Variants in ADAMTSL1 observed in about 807,000 individuals in gnomAD.
The protein encoded by ADAMTSL1 is ADAMTS-like protein 1.
ADAMTSL1 carries 126 observed loss-of-function variants against 201.8 expected under a neutral mutation model. The ratio of observed to expected loss-of-function variants is 0.62; its 90% CI spans 0.54 to 0.72. ADAMTSL1 has a LOEUF of 0.72. Among genes scored for constraint, ADAMTSL1 ranks in the 30% least tolerant of loss-of-function variants. ADAMTSL1 has a pLI of 0.00. For synonymous variants in ADAMTSL1, 1,121 were observed against 903.4 expected, an observed-to-expected ratio of 1.24 and a Z score of -4.32; for missense variants, 2,679 against 2,277.8, an observed-to-expected ratio of 1.18 and a Z score of -3.59.
chr9:18,450,855 C>T (rs1163947726), intron 2 of ADAMTSL1, among the ~76,000 whole-genome samples: 2 of 152,302 alleles, frequency 1.3e-5, no homozygotes, highest in African/African-American at 2.4e-5. Context: ...AATATCATTA[C>T]ATAGAGTAAA....
rs1317222002 is a variant in ADAMTSL1, at chr9:18,795,412, A to T, written c.3693A>T (p.Pro1231=). Residue 1231 remains proline, a synonymous_variant, in exon 20 of 29, where the codon CCA becomes CCT. Coordinates refer to ENST00000380548, the MANE Select transcript of ADAMTSL1 (RefSeq NM_001040272.6). ...VQFSDRILLQ[P]DDSLQILAPV... is the part of the protein sequence containing the mutation. ...GTCGCTCCAGGATTCTTCTACAGCC[A>T]GATGATTCCTTACAGATCTTGGCAC... is the stretch of plus-strand genomic sequence containing the variant. 6.2e-7 allele frequency: 1 copy of T among 1,613,800 alleles called. No individual in the cohort carries two copies. Among genetic ancestry groups the T allele is most frequent in the Admixed American group, 1.7e-5 (1 of 59,984 alleles).
intron 1 of ADAMTSL1, among the ~76,000 whole-genome samples, chr9:18,086,884 C>A (rs1300163123): frequency 6.6e-6 from 1 of 152,042 alleles, no homozygotes; most frequent in Non-Finnish European, 1.5e-5. Flanking sequence ...GTGAATATTT[C>A]TTTTTAAAAA....
At chr9:18,565,207 T>A (rs1821800552) in intron 3 of ADAMTSL1, among the ~76,000 whole-genome samples, 1 of 152,216 alleles carries the variant, frequency 6.6e-6, no homozygotes, top group Non-Finnish European at 1.5e-5. Context: ...TGGAACAGTT[T>A]AAAGCTTTCA....
intron 1 of ADAMTSL1, among the ~76,000 whole-genome samples, chr9:17,983,453 C>G (rs1399325442): frequency 6.6e-6 from 1 of 152,014 alleles, no homozygotes; most frequent in Non-Finnish European, 1.5e-5. Context: ...TGTCTTTTAA[C>G]CTTGAAATTT....
In ADAMTSL1 at chr9:18,089,386, A is replaced by G. The variant is rs541876587; in HGVS notation, c.88-74476A>G. On this transcript the variant is annotated intron_variant, in intron 1 of 29. Transcript: ENST00000680146. The stretch of plus-strand genomic sequence containing the variant: ...AAGAACAGAAAACCAAACACTGCAT[A>G]TTCTCATTCATAAGTGGGAGTTGAA... Among the ~76,000 whole-genome samples the G allele has an allele frequency of 6.9e-5, 10 of 145,982 alleles. No homozygotes were observed. The East Asian group carries it at 1.7e-3, about 25-fold the overall frequency.
chr9:18,248,342 A>G lies in ADAMTSL1; in HGVS notation c.207+84361A>G, dbSNP rs544269000. On this transcript the variant is annotated intron_variant, in intron 2 of 29. Coordinates refer to the ADAMTSL1 transcript ENST00000680146. ...GATGCTGGACTGTGGATTACGCGGT[A>G]TGTAAAAAGCTTGGCTTCCCATATT... Among the ~76,000 whole-genome samples the G allele has an allele frequency of 6.6e-5, 10 of 152,284 alleles. 1 individual carries two copies. The highest frequency in any genetic ancestry group is 2.4e-4 in the African/African-American group (10 of 41,546).
intron 1 of ADAMTSL1, among the ~76,000 whole-genome samples, chr9:18,032,178 G>C (rs1397971517): frequency 6.6e-6 from 1 of 152,202 alleles, no homozygotes; most frequent in African/African-American, 2.4e-5. Flanking sequence ...TCCTGGACCA[G>C]TCTTGCAAAG....
At chr9:18,334,972 A>G (rs1021410842) in intron 2 of ADAMTSL1, among the ~76,000 whole-genome samples, 1 of 152,162 alleles carries the variant, frequency 6.6e-6, no homozygotes. Flanking sequence ...AGCCTCATGC[A>G]TGTAATCATA....
intron 2 of ADAMTSL1, among the ~76,000 whole-genome samples, chr9:18,422,865 T>C (rs1051085041): frequency 2.6e-5 from 4 of 152,234 alleles, no homozygotes; most frequent in African/African-American, 9.6e-5. Flanking sequence ...ATGAAGACTT[T>C]ATCACTTGAG....
intron 1 of ADAMTSL1, among the ~76,000 whole-genome samples, chr9:17,943,606 C>A (rs910856793): frequency 2.6e-5 from 4 of 152,024 alleles, no homozygotes; most frequent in African/African-American, 9.7e-5. Context: ...TGAATTTGAA[C>A]CATTTTAGAA....
At chr9:18,442,519 T>C (rs1820035104) in intron 2 of ADAMTSL1, among the ~76,000 whole-genome samples, 1 of 152,178 alleles carries the variant, frequency 6.6e-6, no homozygotes, top group South Asian at 2.1e-4. Flanking sequence ...CAGTTGGATG[T>C]ATAGTTTTCT....
intron 1 of ADAMTSL1, among the ~76,000 whole-genome samples, chr9:18,065,679 G>T (rs1159464443): frequency 1.3e-5 from 2 of 152,070 alleles, no homozygotes; most frequent in Non-Finnish European, 2.9e-5. Flanking sequence ...TTAAATGGGA[G>T]ATTCTTAAGT....
intron 2 of ADAMTSL1, among the ~76,000 whole-genome samples, chr9:18,248,687 C>T (rs1489670833): frequency 4.6e-5 from 7 of 152,144 alleles, no homozygotes; most frequent in Non-Finnish European, 4.4e-5. Context: ...TCCTGGACTG[C>T]GGCAAACGCA....
At chr9:18,283,667 C>G (rs1244127342) in intron 2 of ADAMTSL1, among the ~76,000 whole-genome samples, 1 of 144,016 alleles carries the variant, frequency 6.9e-6, no homozygotes, top group Non-Finnish European at 1.5e-5. Flanking sequence ...AATCCTAGCA[C>G]TTTGGGAGAC....
At chr9:18,553,986 A>C (rs1232197306) in intron 3 of ADAMTSL1, among the ~76,000 whole-genome samples, 1 of 151,846 alleles carries the variant, frequency 6.6e-6, no homozygotes, top group Non-Finnish European at 1.5e-5. Flanking sequence ...TATGTAATTC[A>C]CATTTCTTAG....
chr9:18,236,354 G>T (rs146700014), intron 2 of ADAMTSL1, among the ~76,000 whole-genome samples: 5 of 152,200 alleles, frequency 3.3e-5, no homozygotes, highest in African/African-American at 4.8e-5. Flanking sequence ...GATTACAGGC[G>T]TGAGCCACCA....
chr9:18,714,734 C>T (rs1403524099), intron 14 of ADAMTSL1, among the ~76,000 whole-genome samples: 2 of 151,990 alleles, frequency 1.3e-5, no homozygotes, highest in African/African-American at 4.8e-5. Context: ...GGGAATCCTC[C>T]CTAACTCATT....
intron 2 of ADAMTSL1, among the ~76,000 whole-genome samples, chr9:18,397,141 TG>T (rs1227225129): frequency 6.6e-6 from 1 of 152,196 alleles, no homozygotes; most frequent in East Asian, 1.9e-4. Flanking sequence ...ATCCGATTTT[TG>T]TTTCCCCTTT....
intron 7 of ADAMTSL1, among the ~76,000 whole-genome samples, chr9:18,651,622 A>G (rs1263975365): frequency 6.6e-6 from 1 of 152,226 alleles, no homozygotes. Flanking sequence ...AAGGTATTGC[A>G]TATCTATAGT....
Sources: gnomAD v4.1 joint callset for allele counts (sites outside exome capture counted in the v4.1 genomes callset) on GRCh38, gnomAD v4.1.1 for gene constraint, MANE v1.5 for transcripts, NCBI Gene and HGNC (gene_info 2026-07-23, HGNC 2026-07-21) for gene names.